RPS6KA2: variants seen among roughly 807,000 people sequenced by gnomAD.
RPS6KA2 encodes the protein ribosomal protein S6 kinase alpha-2.
Under a neutral mutation model 91.8 loss-of-function variants are expected in RPS6KA2, and 42 were observed. The observed-to-expected ratio is 0.46, with a 90% CI of 0.36 to 0.59. RPS6KA2 has a LOEUF of 0.59. RPS6KA2 is among the 20% of genes least tolerant of loss of function. The pLI is 0.00. For synonymous variants in RPS6KA2, 414 were observed against 393.6 expected, an observed-to-expected ratio of 1.05 and a Z score of -0.61; for missense variants, 798 against 978.5, an observed-to-expected ratio of 0.82 and a Z score of 2.46.
At chr6:166,579,595 C>T (rs967639698) in intron 1 of RPS6KA2, among the ~76,000 whole-genome samples, 2 of 152,184 alleles carry the variant, frequency 1.3e-5, no homozygotes, top group Non-Finnish European at 2.9e-5. Flanking sequence ...AGATGAACAT[C>T]CTACGTCACC....
chr6:166,531,185 T>C, intron 3 of RPS6KA2, 47 bp downstream of exon 3: 1 of 1,208,914 alleles, frequency 8.3e-7, no homozygotes, highest in Non-Finnish European at 1.2e-6. Flanking sequence ...GGAGTAGAAA[T>C]TGCAGTTACC....
chr6:166,750,210 C>T (rs1334910161), intron 2 of RPS6KA2, among the ~76,000 whole-genome samples: 2 of 152,186 alleles, frequency 1.3e-5, no homozygotes, highest in South Asian at 4.1e-4. Context: ...ACAGGATTAG[C>T]GTGCCCTGCA....
At chr6:166,859,963 G>C (rs1225100403) in intron 1 of RPS6KA2, among the ~76,000 whole-genome samples, 1 of 152,222 alleles carries the variant, frequency 6.6e-6, no homozygotes, top group Non-Finnish European at 1.5e-5. Flanking sequence ...CCTCCTGCAA[G>C]GGTTTTAGGG....
intron 13 of RPS6KA2, among the ~76,000 whole-genome samples, chr6:166,450,276 G>A (rs370537918): frequency 2.7e-5 from 4 of 146,986 alleles, no homozygotes; most frequent in Non-Finnish European, 6.0e-5. Context: ...ACCATCACGG[G>A]TACCACCAGG....
intron 2 of RPS6KA2, among the ~76,000 whole-genome samples, chr6:166,857,390 A>G (rs1003243569): frequency 6.6e-6 from 1 of 152,190 alleles, no homozygotes; most frequent in Non-Finnish European, 1.5e-5. Flanking sequence ...CAGTGGTGGA[A>G]GTGTGGCTGC....
At chr6:166,650,722 T>C (rs912506786) in intron 2 of RPS6KA2, among the ~76,000 whole-genome samples, 1 of 152,216 alleles carries the variant, frequency 6.6e-6, no homozygotes, top group Non-Finnish European at 1.5e-5. Context: ...AATTGTTGGC[T>C]TCAAGTTCAC....
chr6:166,859,982 T>C (rs915764898), intron 1 of RPS6KA2, among the ~76,000 whole-genome samples: 1 of 152,230 alleles, frequency 6.6e-6, no homozygotes, highest in African/African-American at 2.4e-5. Flanking sequence ...GGCATTTAAC[T>C]TGGAGTTCAG....
chr6:166,560,081 T>C (rs1026340514), intron 1 of RPS6KA2, among the ~76,000 whole-genome samples: 1 of 152,188 alleles, frequency 6.6e-6, no homozygotes, highest in Non-Finnish European at 1.5e-5. Context: ...GTGAGTCTAG[T>C]GGGCATCTCA....
intron 3 of RPS6KA2, among the ~76,000 whole-genome samples, chr6:166,511,617 C>T (rs1015690163): frequency 6.6e-6 from 1 of 152,150 alleles, no homozygotes; most frequent in Non-Finnish European, 1.5e-5. Flanking sequence ...CTCACACAGC[C>T]CCATGAGCGA....
chr6:166,622,489 A>G (rs1033543784), intron 1 of RPS6KA2, among the ~76,000 whole-genome samples: 38 of 152,186 alleles, frequency 2.5e-4, no homozygotes, highest in African/African-American at 4.1e-4. Context: ...GCATTTATTG[A>G]GAGTACCTGA....
chr6:166,586,985 A>C (rs566095539), intron 1 of RPS6KA2, among the ~76,000 whole-genome samples: 2 of 152,214 alleles, frequency 1.3e-5, no homozygotes, highest in African/African-American at 2.4e-5. Flanking sequence ...TGGATGGTGT[A>C]CCTTAAAGAA....
intron 1 of RPS6KA2, among the ~76,000 whole-genome samples, chr6:166,556,437 A>C (rs1784180564): frequency 2.0e-5 from 3 of 152,220 alleles, no homozygotes; most frequent in Admixed American, 2.0e-4. Context: ...TACCCATGTT[A>C]ATCTCCACCT....
chr6:166,547,398 C>T (rs1240849478), intron 1 of RPS6KA2, among the ~76,000 whole-genome samples: 2 of 152,170 alleles, frequency 1.3e-5, no homozygotes, highest in African/African-American at 2.4e-5. Context: ...AAGTCTCATC[C>T]CCAAAATGGT....
chr6:166,739,517 G>A (rs1790753812), intron 2 of RPS6KA2, among the ~76,000 whole-genome samples: 2 of 152,240 alleles, frequency 1.3e-5, no homozygotes, highest in Admixed American at 1.3e-4. Context: ...AGAGCAGGCT[G>A]GGAGTCTGTT....
rs1397209366 is a variant in RPS6KA2, at chr6:166,508,806, T to C, written c.380-524A>G. ...AGCCCAGTTATTTGAACATCAACAA[T>C]GGGGCTCACGTCCTAGGTCTGGTCA... On this transcript the variant is annotated intron_variant, in intron 4 of 20. Transcript: ENST00000265678. This position sits in a 1 kb window ranked among gnomAD's most constrained non-coding sequence, Gnocchi z 4.3. 2.0e-5 allele frequency among the ~76,000 whole-genome samples: 3 copies of C among 152,190 alleles called. No individual in the cohort carries two copies. The highest frequency in any genetic ancestry group is 2.1e-4 in the South Asian group (1 of 4,828).
At chr6:166,824,970 AC>A (rs1363242905) in intron 2 of RPS6KA2, among the ~76,000 whole-genome samples, 2 of 152,152 alleles carry the variant, frequency 1.3e-5, no homozygotes, top group Non-Finnish European at 2.9e-5. Context: ...TCTGTGCTTC[AC>A]CCTGTCCGGG....
intron 2 of RPS6KA2, among the ~76,000 whole-genome samples, chr6:166,834,592 G>A (rs1483570274): frequency 2.6e-5 from 4 of 152,148 alleles, no homozygotes; most frequent in Admixed American, 6.5e-5. Context: ...AAACCTGCAC[G>A]TGCAGCCCTG....
chr6:166,636,846 C>T (rs941519030), intron 2 of RPS6KA2, among the ~76,000 whole-genome samples: 1 of 152,182 alleles, frequency 6.6e-6, no homozygotes, highest in African/African-American at 2.4e-5. Context: ...AAAGTTTCTA[C>T]CAACTCCCTG....
intron 11 of RPS6KA2, among the ~76,000 whole-genome samples, chr6:166,460,166 G>GGCCTGTCT (rs879808557): frequency 1.3e-5 from 2 of 152,230 alleles, no homozygotes; most frequent in Admixed American, 6.5e-5. Flanking sequence ...ACAGGAGGAC[G>GGCCTGTCT]CCTGCATCTG....
Sources: allele counts gnomAD v4.1 joint callset (sites outside exome capture counted in the v4.1 genomes callset), GRCh38; gene constraint gnomAD v4.1.1; non-coding constraint Gnocchi (gnomAD v3.1); transcripts MANE v1.5; gene names NCBI Gene and HGNC (gene_info 2026-07-23, HGNC 2026-07-21).